The following PHACTR1 variants were observed in gnomAD, a reference collection of about 807,000 sequenced individuals.
The protein encoded by PHACTR1 is phosphatase and actin regulator 1.
PHACTR1 carries 16 observed loss-of-function variants against 69.2 expected under a neutral mutation model. The ratio of observed to expected loss-of-function variants is 0.23; its 90% CI spans 0.16 to 0.35. The LOEUF (loss-of-function observed/expected upper bound fraction) is 0.35. PHACTR1 is among the 10% of genes least tolerant of loss of function. PHACTR1 has a pLI of 1.00. For synonymous variants in PHACTR1, 312 were observed against 284.5 expected (o/e 1.10, Z -0.97); for missense variants, 510 against 734.7 (o/e 0.69, Z 3.54).
intron 10 of PHACTR1, among the ~76,000 whole-genome samples, chr6:13,242,287 A>G (rs1277191780): frequency 2.0e-5 from 3 of 152,194 alleles, no homozygotes; most frequent in Admixed American, 6.5e-5. Context: ...ATCAGAACCC[A>G]ATCTCACTTC....
chr6:13,206,199 G>C, intron 8 of PHACTR1, 63 bp downstream of exon 8: 1 of 1,431,798 alleles, frequency 7.0e-7, no homozygotes, highest in East Asian at 2.5e-5. Context: ...GGGGGCCTAG[G>C]GATTTGGACC....
At chr6:13,279,647 T>C (rs147117937) in intron 12 of PHACTR1, 2 of 152,344 alleles carry the variant, frequency 1.3e-5, no homozygotes, top group South Asian at 2.1e-4. Flanking sequence ...GACAAACAAG[T>C]GCCTGAATGG....
chr6:12,891,300 G>A (rs1380230860), intron 4 of PHACTR1, among the ~76,000 whole-genome samples: 1 of 151,988 alleles, frequency 6.6e-6, no homozygotes, highest in Non-Finnish European at 1.5e-5. Context: ...GCTAAAGTGG[G>A]TAACATGATG....
intron 10 of PHACTR1, among the ~76,000 whole-genome samples, chr6:13,257,424 A>G (rs190021461): frequency 3.2e-4 from 49 of 152,354 alleles, no homozygotes; most frequent in Admixed American, 1.5e-3. Flanking sequence ...GAGTTTTATT[A>G]TACATCATAA....
chr6:12,944,908 G>A (rs1464568214), intron 4 of PHACTR1, among the ~76,000 whole-genome samples: 3 of 151,460 alleles, frequency 2.0e-5, no homozygotes, highest in Non-Finnish European at 1.5e-5. Flanking sequence ...TCAGCCTCCC[G>A]AGTAGCTGGG....
intron 4 of PHACTR1, among the ~76,000 whole-genome samples, chr6:12,818,519 G>C (rs545462083): frequency 2.6e-5 from 4 of 152,352 alleles, no homozygotes; most frequent in African/African-American, 9.6e-5. Flanking sequence ...CAACCCAGAT[G>C]CAAGGAGTGG....
intron 4 of PHACTR1, among the ~76,000 whole-genome samples, chr6:12,928,392 G>A (rs1788504586): frequency 6.6e-6 from 1 of 152,146 alleles, no homozygotes; most frequent in East Asian, 1.9e-4. Context: ...GAACGGGACT[G>A]GCTTGAAATT....
At chr6:13,165,457 G>A (rs10948504) in intron 6 of PHACTR1, among the ~76,000 whole-genome samples, 35,679 of 152,022 alleles carry the variant, frequency 0.23, 4,989 homozygotes, top group Non-Finnish European at 0.31. Context: ...TGCTCCCTCC[G>A]TGCCAAGGAG....
chr6:13,225,466 C>G (rs1195343287), intron 8 of PHACTR1, among the ~76,000 whole-genome samples: 4 of 152,166 alleles, frequency 2.6e-5, no homozygotes, highest in African/African-American at 7.2e-5. Flanking sequence ...CAGCTGTCCT[C>G]CATTTAATCC....
At chr6:12,801,674 A>G (rs930918760) in intron 4 of PHACTR1, among the ~76,000 whole-genome samples, 22 of 152,208 alleles carry the variant, frequency 1.4e-4, no homozygotes, top group African/African-American at 3.6e-4. Context: ...CATCTTAGAG[A>G]TCATCTGGAG....
chr6:13,027,737 G>T (rs543997520), intron 4 of PHACTR1, among the ~76,000 whole-genome samples: 4 of 151,978 alleles, frequency 2.6e-5, no homozygotes, highest in Non-Finnish European at 4.4e-5. Flanking sequence ...GTGCAGTGGT[G>T]CAATCTAGGC....
chr6:12,810,565 G>A (rs970069729), intron 4 of PHACTR1, among the ~76,000 whole-genome samples: 2 of 152,068 alleles, frequency 1.3e-5, no homozygotes, highest in African/African-American at 4.8e-5. Flanking sequence ...CTCCATACCT[G>A]GGAGGTCTCA....
At chr6:13,175,718 G>A (rs1173139275) in intron 6 of PHACTR1, among the ~76,000 whole-genome samples, 2 of 152,138 alleles carry the variant, frequency 1.3e-5, no homozygotes, top group Non-Finnish European at 2.9e-5. Flanking sequence ...GATTTGAGGG[G>A]CCCTCTATTA....
At chr6:12,720,226 A>G (rs551082368) in intron 3 of PHACTR1, among the ~76,000 whole-genome samples, 2 of 152,290 alleles carry the variant, frequency 1.3e-5, no homozygotes, top group South Asian at 4.1e-4. Context: ...AAGGTCACAC[A>G]TTGCTATGTG....
chr6:13,219,436 G>A (rs747889519), intron 8 of PHACTR1, among the ~76,000 whole-genome samples: 6 of 152,154 alleles, frequency 3.9e-5, no homozygotes, highest in African/African-American at 7.2e-5. Flanking sequence ...TGGGAGGAGC[G>A]TGGTGGTGAT....
At chr6:12,817,160 C>T (rs1329169060) in intron 4 of PHACTR1, among the ~76,000 whole-genome samples, 2 of 152,090 alleles carry the variant, frequency 1.3e-5, no homozygotes, top group Non-Finnish European at 2.9e-5. Flanking sequence ...CATTTATAAA[C>T]CTTGGCTGCC....
In PHACTR1 at chr6:12,738,099, C is replaced by T. The variant is rs1460892132; in HGVS notation, c.104-11545C>T. On this transcript the variant is annotated intron_variant, in intron 3 of 14. Transcript: ENST00000332995. ...TTAGAATCCAGTACTGGTCTAGGGG[C>T]TGTCTTCTTTTGCCTTCTTTAATCT... Among the ~76,000 whole-genome samples, 3 of 152,298 alleles carry T rather than the reference C, an allele frequency of 2.0e-5. No homozygotes were observed. The East Asian group carries it at 5.8e-4, about 29-fold the overall frequency.
intron 3 of PHACTR1, among the ~76,000 whole-genome samples, chr6:12,741,847 C>A (rs186592281): frequency 6.6e-6 from 1 of 151,538 alleles, no homozygotes; most frequent in Non-Finnish European, 1.5e-5. Flanking sequence ...AAGATTGATG[C>A]CTTGATAATA....
At chr6:13,247,157 C>T (rs1357060906) in intron 10 of PHACTR1, among the ~76,000 whole-genome samples, 1 of 152,134 alleles carries the variant, frequency 6.6e-6, no homozygotes, top group Non-Finnish European at 1.5e-5. Context: ...AATGGGCAGC[C>T]TCTTTAGTGT....
Sources: allele counts gnomAD v4.1 joint callset (sites outside exome capture counted in the v4.1 genomes callset), GRCh38; gene constraint gnomAD v4.1.1; transcripts MANE v1.5; gene names NCBI Gene and HGNC (gene_info 2026-07-23, HGNC 2026-07-21).